The following BCKDHB variants were observed in gnomAD, a reference collection of about 807,000 sequenced individuals.
The protein encoded by BCKDHB is branched chain keto acid dehydrogenase E1 subunit beta, also known as 2-oxoisovalerate dehydrogenase subunit beta, mitochondrial.
Under a neutral mutation model 48.5 loss-of-function variants are expected in BCKDHB, and 41 were observed. The ratio of observed to expected loss-of-function variants is 0.85; its 90% CI spans 0.66 to 1.10. The LOEUF (loss-of-function observed/expected upper bound fraction) is 1.10. Ranked by LOEUF, BCKDHB falls within the 50% of genes least tolerant of loss-of-function variation. The probability of loss-of-function intolerance (pLI) is 0.00; values close to 1 mark genes in which losing one functional copy is unlikely to be tolerated. For synonymous variants in BCKDHB, 201 were observed against 174.8 expected (o/e 1.15, Z -1.18); for missense variants, 496 against 494.2 (o/e 1.00, Z -0.03).
At chr6:80,277,660 T>G (rs1582489424) in intron 9 of BCKDHB, among the ~76,000 whole-genome samples, 2 of 63,322 alleles carry the variant, frequency 3.2e-5, no homozygotes, top group East Asian at 7.1e-4. Flanking sequence ...AGATTTGAGT[T>G]TTTTTTTTTT....
intron 6 of BCKDHB, among the ~76,000 whole-genome samples, chr6:80,183,922 C>A (rs1171885379): frequency 6.6e-6 from 1 of 152,070 alleles, no homozygotes; most frequent in African/African-American, 2.4e-5. Context: ...CTTGATAACT[C>A]ATTTCTATTT....
chr6:80,285,997 A>G (rs531177810), intron 9 of BCKDHB, among the ~76,000 whole-genome samples: 4 of 152,184 alleles, frequency 2.6e-5, no homozygotes, highest in East Asian at 1.9e-4. Context: ...TTCTCCCTAC[A>G]TTAACTTTTC....
chr6:80,212,409 A>T (rs1774980074), intron 8 of BCKDHB, among the ~76,000 whole-genome samples: 1 of 152,120 alleles, frequency 6.6e-6, no homozygotes, highest in Non-Finnish European at 1.5e-5. Flanking sequence ...ATGTCCATTT[A>T]TAGGCTCTCT....
chr6:80,335,416 A>G (rs1769536866), intron 9 of BCKDHB, among the ~76,000 whole-genome samples: 2 of 152,004 alleles, frequency 1.3e-5, no homozygotes, highest in African/African-American at 4.8e-5. Context: ...TCCACATTCT[A>G]AGGAAATTCC....
At chr6:80,225,410 AG>A (rs1562152616) in intron 8 of BCKDHB, among the ~76,000 whole-genome samples, 2 of 152,228 alleles carry the variant, frequency 1.3e-5, no homozygotes, top group African/African-American at 4.8e-5. Flanking sequence ...GTGAATAAAA[AG>A]TATGTTGGGA....
At chr6:80,203,533 C>A (rs1774499301) in intron 8 of BCKDHB, among the ~76,000 whole-genome samples, 1 of 152,068 alleles carries the variant, frequency 6.6e-6, no homozygotes, top group Non-Finnish European at 1.5e-5. Flanking sequence ...GTGTTTTTGA[C>A]TTCTTATTAG....
intron 8 of BCKDHB, among the ~76,000 whole-genome samples, chr6:80,259,590 T>G (rs1205474182): frequency 6.6e-6 from 1 of 152,220 alleles, no homozygotes; most frequent in Admixed American, 6.5e-5. Context: ...ATGGTCATTT[T>G]TCTTTGAGAC....
intron 3 of BCKDHB, among the ~76,000 whole-genome samples, chr6:80,138,238 C>G (rs1436109453): frequency 6.6e-6 from 1 of 151,986 alleles, no homozygotes; most frequent in Non-Finnish European, 1.5e-5. Flanking sequence ...ATATTTTTCC[C>G]TCATTTATAA....
chr6:80,226,325 G>A (rs1775673927), intron 8 of BCKDHB, among the ~76,000 whole-genome samples: 1 of 152,198 alleles, frequency 6.6e-6, no homozygotes, highest in Admixed American at 6.5e-5. Context: ...TAAAAAACCA[G>A]AATCTCTCAG....
intron 9 of BCKDHB, among the ~76,000 whole-genome samples, chr6:80,288,034 G>T (rs1486546573): frequency 6.6e-6 from 1 of 152,056 alleles, no homozygotes; most frequent in Non-Finnish European, 1.5e-5. Context: ...TGTTGTGTTG[G>T]AAATTAAATA....
intron 7 of BCKDHB, among the ~76,000 whole-genome samples, chr6:80,202,561 C>T (rs894714317): frequency 6.6e-6 from 1 of 152,070 alleles, no homozygotes; most frequent in African/African-American, 2.4e-5. Flanking sequence ...AAATTCAGCT[C>T]TTATTCCTGC....
At chr6:80,225,702 A>G (rs1457968668) in intron 8 of BCKDHB, among the ~76,000 whole-genome samples, 1 of 152,200 alleles carries the variant, frequency 6.6e-6, no homozygotes, top group Non-Finnish European at 1.5e-5. Context: ...TCACAGCAAC[A>G]TGATAGTGCT....
At chr6:80,128,791 A>C (rs970239030) in intron 2 of BCKDHB, among the ~76,000 whole-genome samples, 1 of 151,904 alleles carries the variant, frequency 6.6e-6, no homozygotes, top group Non-Finnish European at 1.5e-5. Context: ...TTCTTTCTCA[A>C]CTGGGGATGA....
intron 9 of BCKDHB, among the ~76,000 whole-genome samples, chr6:80,274,972 T>A (rs943645552): frequency 2.6e-5 from 4 of 151,968 alleles, no homozygotes; most frequent in African/African-American, 9.7e-5. Flanking sequence ...ACATAAAATA[T>A]CATAAACATA....
At chr6:80,292,605 A>T (rs193179304) in intron 9 of BCKDHB, among the ~76,000 whole-genome samples, 25 of 152,044 alleles carry the variant, frequency 1.6e-4, no homozygotes, top group African/African-American at 6.0e-4. Flanking sequence ...ATTCCACCCC[A>T]GCCCCTCCCA....
chr6:80,271,339 G>A (rs1195261661), intron 8 of BCKDHB, among the ~76,000 whole-genome samples: 1 of 152,126 alleles, frequency 6.6e-6, no homozygotes, highest in Non-Finnish European at 1.5e-5. Context: ...CTGCTGAGGA[G>A]TGCTCAGAAG....
At chr6:80,161,179 G>A (rs1398948115) in intron 3 of BCKDHB, among the ~76,000 whole-genome samples, 1 of 152,048 alleles carries the variant, frequency 6.6e-6, no homozygotes, top group Non-Finnish European at 1.5e-5. Flanking sequence ...GAAACTTACT[G>A]TGTCATTATA....
the BCKDHB span, among the ~76,000 whole-genome samples, chr6:80,424,293 A>T: frequency 6.6e-6 from 1 of 152,194 alleles, no homozygotes; most frequent in African/African-American, 2.4e-5. Flanking sequence ...TGTTCTTGTG[A>T]TGCCTTTAAA....
At chr6:80,366,442 T>G in the BCKDHB span, among the ~76,000 whole-genome samples, 4 of 152,130 alleles carry the variant, frequency 2.6e-5, no homozygotes, top group Admixed American at 6.5e-5. Flanking sequence ...ACATTTCTCT[T>G]TAACGGTGAG....
Sources: gnomAD v4.1 joint callset for allele counts (sites outside exome capture counted in the v4.1 genomes callset) on GRCh38, gnomAD v4.1.1 for gene constraint, MANE v1.5 for transcripts, NCBI Gene and HGNC (gene_info 2026-07-23, HGNC 2026-07-21) for gene names.